Variants in SH2D4A observed in about 807,000 individuals in gnomAD.
The protein encoded by SH2D4A is SH2 domain-containing protein 4A.
In SH2D4A, 70 loss-of-function variants were observed where a neutral mutation model predicts 64.7. That is an observed-to-expected ratio of 1.08 (90% CI 0.89 to 1.32). The LOEUF is 1.32. SH2D4A is among the 40% of genes most tolerant of loss of function. SH2D4A has a pLI of 0.00. For missense variants in SH2D4A, 706 were observed against 540.1 expected, an observed-to-expected ratio of 1.31 and a Z score of -3.04; for synonymous variants, 268 against 200.7, an observed-to-expected ratio of 1.34 and a Z score of -2.83.
intron 7 of SH2D4A, among the ~76,000 whole-genome samples, chr8:19,368,620 C>CT (rs34764005): frequency 0.49 from 66,976 of 136,156 alleles, 16,224 homozygotes; most frequent in Non-Finnish European, 0.53. Flanking sequence ...AATAAAATTG[C>CT]TTTTTTTTTT....
At chr8:19,386,298 G>A (rs183941000) in intron 8 of SH2D4A, among the ~76,000 whole-genome samples, 5 of 152,336 alleles carry the variant, frequency 3.3e-5, no homozygotes, top group African/African-American at 9.6e-5. Context: ...ACATTAATTC[G>A]GATTTGGGAA....
At chr8:19,347,087 T>C (rs2052624771) in intron 4 of SH2D4A, among the ~76,000 whole-genome samples, 1 of 152,192 alleles carries the variant, frequency 6.6e-6, no homozygotes, top group African/African-American at 2.4e-5. Flanking sequence ...TTTTTGGCAG[T>C]GGTGATGCAG....
intron 6 of SH2D4A, 114 bp from the exon 7 acceptor site, chr8:19,363,958 C>G: frequency 1.1e-6 from 1 of 910,032 alleles, no homozygotes; most frequent in African/African-American, 1.7e-5. Context: ...TTATTATAAG[C>G]AGACAACAAA....
chr8:19,351,818 C>A (rs1308342799), intron 4 of SH2D4A, among the ~76,000 whole-genome samples: 2 of 152,082 alleles, frequency 1.3e-5, no homozygotes, highest in African/African-American at 2.4e-5. Context: ...GAGTCTTGCT[C>A]TGTCGCCCAG....
intron 4 of SH2D4A, among the ~76,000 whole-genome samples, chr8:19,340,104 G>GC (rs2052504484): frequency 2.0e-5 from 3 of 152,164 alleles, no homozygotes; most frequent in Admixed American, 2.0e-4. Flanking sequence ...AGAGGACATG[G>GC]CCCCTAGGGC....
At chr8:19,337,119 T>C (rs1488947637) in intron 4 of SH2D4A, among the ~76,000 whole-genome samples, 1 of 152,060 alleles carries the variant, frequency 6.6e-6, no homozygotes, top group Non-Finnish European at 1.5e-5. Context: ...AGAAGGAATA[T>C]GGAAATAGAT....
At chr8:19,340,728 C>T (rs896754855) in intron 4 of SH2D4A, among the ~76,000 whole-genome samples, 12 of 151,440 alleles carry the variant, frequency 7.9e-5, no homozygotes, top group Non-Finnish European at 1.8e-4. Context: ...GCCTCAGCCT[C>T]CTGAGTAGCT....
chr8:19,367,292 G>T (rs1242054862), intron 7 of SH2D4A, among the ~76,000 whole-genome samples: 3 of 151,798 alleles, frequency 2.0e-5, no homozygotes, highest in Non-Finnish European at 4.4e-5. Flanking sequence ...TGGAGCTTTT[G>T]TTCTACTTTT....
At chr8:19,330,563 C>T (rs1489044962) in intron 2 of SH2D4A, among the ~76,000 whole-genome samples, 1 of 152,130 alleles carries the variant, frequency 6.6e-6, no homozygotes, top group Non-Finnish European at 1.5e-5. Context: ...CCCAACTGCT[C>T]ACATGCAGTC....
At chr8:19,327,615 G>A (rs142623961) in intron 2 of SH2D4A, among the ~76,000 whole-genome samples, 270 of 151,958 alleles carry the variant, frequency 1.8e-3, no homozygotes, top group Non-Finnish European at 2.7e-3. Context: ...CCTTACTCCC[G>A]CCTCTTCCAA....
At chr8:19,354,889 G>A (rs763888804) in intron 4 of SH2D4A, among the ~76,000 whole-genome samples, 1 of 152,202 alleles carries the variant, frequency 6.6e-6, no homozygotes, top group Non-Finnish European at 1.5e-5. Flanking sequence ...GTGTTTTAAA[G>A]CTCAAAGACT....
chr8:19,373,684 G>C (rs2053149326), intron 8 of SH2D4A, 24 bp downstream of exon 8: 1 of 1,610,688 alleles, frequency 6.2e-7, no homozygotes, highest in Non-Finnish European at 8.5e-7. Flanking sequence ...TTTCCTCAAT[G>C]GTGTTTCGTC....
intron 2 of SH2D4A, among the ~76,000 whole-genome samples, chr8:19,322,976 G>T (rs1007053978): frequency 6.6e-6 from 1 of 152,114 alleles, no homozygotes; most frequent in Non-Finnish European, 1.5e-5. Context: ...TGCCCGACTT[G>T]TCTACTTGTT....
intron 4 of SH2D4A, among the ~76,000 whole-genome samples, chr8:19,356,866 A>T (rs1380073836): frequency 1.3e-5 from 2 of 152,226 alleles, no homozygotes; most frequent in Non-Finnish European, 2.9e-5. Context: ...ATTAAGCAAG[A>T]AGAGAATTTA....
chr8:19,393,608 G>C, intron 9 of SH2D4A, 67 bp downstream of exon 9: 1 of 1,494,918 alleles, frequency 6.7e-7, no homozygotes, highest in Non-Finnish European at 9.2e-7. Flanking sequence ...AACAATGAAT[G>C]ACAATTACAA....
rs1441503071 is a variant in SH2D4A, at chr8:19,364,294, C to T, written c.917+12C>T. The T allele has an allele frequency of 2.1e-5, 34 of 1,613,672 alleles. No homozygotes were observed. Among genetic ancestry groups the T allele is most frequent in the Non-Finnish European group, 2.9e-5 (34 of 1,179,706 alleles). ...CAAAAACCTCTTAGGTAAGAAGCCA[C>T]ACAGATGGGTTTATGCATAAACATT... On this transcript the variant is annotated intron_variant, in intron 7 of 9. Transcript: ENST00000265807.
At chr8:19,343,482 G>C (rs1013369844) in intron 4 of SH2D4A, among the ~76,000 whole-genome samples, 1 of 152,024 alleles carries the variant, frequency 6.6e-6, no homozygotes, top group Admixed American at 6.6e-5. Context: ...TTTATCTCAT[G>C]GGTTTTTGGT....
rs147749108 is a variant in SH2D4A, at chr8:19,332,396, C to G, written c.182-559C>G. Reference sequence around the variant, plus strand: ...CACACCTGTAATCCCAGCACTTTGGCAGGCTGAGGTGGGTGGATCACGAGG... The same window carrying G: ...CACACCTGTAATCCCAGCACTTTGGGAGGCTGAGGTGGGTGGATCACGAGG... On this transcript the variant is annotated intron_variant, in intron 2 of 9. Transcript: ENST00000265807. Among the ~76,000 whole-genome samples the G allele has an allele frequency of 2.1e-3, 314 of 152,158 alleles. 2 individuals are homozygous for G. Among genetic ancestry groups the G allele is most frequent in the African/African-American group, 7.2e-3 (300 of 41,504 alleles).
intron 4 of SH2D4A, among the ~76,000 whole-genome samples, chr8:19,340,445 A>G (rs1276950425): frequency 6.6e-6 from 1 of 152,020 alleles, no homozygotes; most frequent in East Asian, 1.9e-4. Context: ...TGCCTGGGAG[A>G]ATGAGATGTC....
Sources: gnomAD v4.1 joint callset for allele counts (sites outside exome capture counted in the v4.1 genomes callset) on GRCh38, gnomAD v4.1.1 for gene constraint, MANE v1.5 for transcripts, NCBI Gene and HGNC (gene_info 2026-07-23, HGNC 2026-07-21) for gene names.